The following TENM3 variants were observed in gnomAD, a reference collection of about 807,000 sequenced individuals.
TENM3 encodes the protein teneurin-3.
TENM3 carries 63 observed loss-of-function variants against 255.1 expected under a neutral mutation model. The ratio of observed to expected loss-of-function variants is 0.25; its 90% CI spans 0.20 to 0.30. TENM3 has a LOEUF of 0.30. Among genes scored for constraint, TENM3 ranks in the 10% least tolerant of loss-of-function variants. The pLI, the probability that TENM3 is intolerant of heterozygous loss-of-function variation, is 1.00. For synonymous variants in TENM3, 1,306 were observed against 1,322.3 expected (o/e 0.99, Z 0.27); for missense variants, 2,929 against 3,461.1 (o/e 0.85, Z 3.86).
At chr4:181,949,082 AG>A in the TENM3 span, among the ~76,000 whole-genome samples, 837 of 152,282 alleles carry the variant, frequency 5.5e-3, 7 homozygotes, top group African/African-American at 0.018. Flanking sequence ...TGCCAGACGT[AG>A]AAAAAAATTA....
At chr4:181,666,312 C>T in the TENM3 span, among the ~76,000 whole-genome samples, 2 of 152,090 alleles carry the variant, frequency 1.3e-5, no homozygotes, top group African/African-American at 4.8e-5. Context: ...AAAAAATTTT[C>T]CTAAAGTATC....
intron 1 of TENM3, among the ~76,000 whole-genome samples, chr4:182,320,469 C>A (rs1183841211): frequency 6.6e-6 from 1 of 152,192 alleles, no homozygotes; most frequent in African/African-American, 2.4e-5. Flanking sequence ...CTTCTCCTGG[C>A]CTTCTTTCCT....
intron 3 of TENM3, among the ~76,000 whole-genome samples, chr4:182,364,344 A>C (rs1766251214): frequency 1.3e-5 from 2 of 152,184 alleles, no homozygotes; most frequent in South Asian, 4.1e-4. Context: ...TTACACTTTT[A>C]TTCTTAATCT....
intron 6 of TENM3, among the ~76,000 whole-genome samples, 200 bp from the exon 7 acceptor site, chr4:182,672,805 C>T (rs1012974909): frequency 7.2e-5 from 11 of 152,110 alleles, no homozygotes; most frequent in Admixed American, 2.0e-4. Flanking sequence ...AAATATCTTA[C>T]GAGCTAAATC....
At chr4:182,478,529 T>C (rs938553937) in intron 3 of TENM3, among the ~76,000 whole-genome samples, 23 of 152,018 alleles carry the variant, frequency 1.5e-4, no homozygotes, top group African/African-American at 5.6e-4. Context: ...TTTCAAGATT[T>C]TTTTGTAGCC....
chr4:181,522,716 TA>T, the TENM3 span: 2 of 686,586 alleles, frequency 2.9e-6, no homozygotes, highest in Non-Finnish European at 5.6e-6. Context: ...AAAAAGATGT[TA>T]AAGGTGAATC....
At chr4:182,640,419 G>A (rs965924357) in intron 5 of TENM3, among the ~76,000 whole-genome samples, 1 of 152,136 alleles carries the variant, frequency 6.6e-6, no homozygotes, top group South Asian at 2.1e-4. Flanking sequence ...GTTTTAACAA[G>A]CTAATTGCAT....
chr4:182,513,533 A>G (rs558042469), intron 3 of TENM3, among the ~76,000 whole-genome samples: 16 of 152,192 alleles, frequency 1.1e-4, no homozygotes, highest in African/African-American at 2.9e-4. Flanking sequence ...TTCATTTTGT[A>G]AGGTTTTTAA....
intron 3 of TENM3, among the ~76,000 whole-genome samples, chr4:182,580,193 C>G (rs1745347159): frequency 6.6e-6 from 1 of 152,124 alleles, no homozygotes; most frequent in African/African-American, 2.4e-5. Flanking sequence ...CTTTTGAGAG[C>G]TGTCATTTCT....
chr4:181,858,110 T>C, the TENM3 span, among the ~76,000 whole-genome samples: 3 of 152,180 alleles, frequency 2.0e-5, no homozygotes, highest in Non-Finnish European at 4.4e-5. Flanking sequence ...CATGTGTATA[T>C]TATGTTGAGA....
At chr4:181,724,465 T>A in the TENM3 span, among the ~76,000 whole-genome samples, 1 of 152,226 alleles carries the variant, frequency 6.6e-6, no homozygotes, top group South Asian at 2.1e-4. Flanking sequence ...GTTTTTCATT[T>A]CTGCCATCAT....
At chr4:182,711,171 T>A (rs1001798686) in intron 12 of TENM3, among the ~76,000 whole-genome samples, 5 of 152,224 alleles carry the variant, frequency 3.3e-5, no homozygotes, top group African/African-American at 1.2e-4. Flanking sequence ...TTTTCTTCTT[T>A]TTGCTTATTT....
At chr4:181,799,540 C>G in the TENM3 span, among the ~76,000 whole-genome samples, 14 of 152,302 alleles carry the variant, frequency 9.2e-5, no homozygotes, top group South Asian at 2.5e-3. Context: ...ATGATCATTT[C>G]TTACAATTAC....
chr4:181,834,896 C>G, the TENM3 span: 1 of 152,168 alleles, frequency 6.6e-6, no homozygotes, highest in African/African-American at 2.4e-5. Flanking sequence ...TTCAGAAAAA[C>G]TAGTAATTTG....
At chr4:182,404,776 G>A (rs931558931) in intron 3 of TENM3, among the ~76,000 whole-genome samples, 1 of 152,176 alleles carries the variant, frequency 6.6e-6, no homozygotes, top group South Asian at 2.1e-4. Flanking sequence ...AGGAAACCAC[G>A]TCCACGTTAG....
chr4:181,581,243 C>T, the TENM3 span, among the ~76,000 whole-genome samples: 61 of 152,210 alleles, frequency 4.0e-4, no homozygotes, highest in African/African-American at 1.5e-3. Context: ...GAGTTTGAGA[C>T]CAGCCCGGCC....
the TENM3 span, among the ~76,000 whole-genome samples, chr4:182,037,349 G>A: frequency 2.0e-5 from 3 of 151,960 alleles, no homozygotes; most frequent in East Asian, 5.8e-4. Flanking sequence ...GGTTTCACCA[G>A]GTTGGCCGGG....
chr4:181,788,919 C>T, the TENM3 span, among the ~76,000 whole-genome samples: 5 of 152,134 alleles, frequency 3.3e-5, no homozygotes, highest in Admixed American at 1.3e-4. Flanking sequence ...TTTTGACTAT[C>T]CCATACCTGC....
chr4:182,279,254 GAC>G (rs1379970912), intron 1 of TENM3, among the ~76,000 whole-genome samples: 1 of 152,032 alleles, frequency 6.6e-6, no homozygotes, highest in East Asian at 1.9e-4. Context: ...TGTTGAATAT[GAC>G]AGATTATATA....
Sources: allele counts gnomAD v4.1 joint callset (sites outside exome capture counted in the v4.1 genomes callset), GRCh38; gene constraint gnomAD v4.1.1; transcripts MANE v1.5; gene names NCBI Gene and HGNC (gene_info 2026-07-23, HGNC 2026-07-21).